Variants in CADPS observed in about 807,000 individuals in gnomAD.
CADPS encodes calcium-dependent secretion activator 1.
A neutral mutation model predicts 167.3 loss-of-function variants in CADPS; 57 were observed. The ratio of observed to expected loss-of-function variants is 0.34; its 90% confidence interval spans 0.28 to 0.42. CADPS has a LOEUF of 0.42. Among genes scored for constraint, CADPS ranks in the 20% least tolerant of loss-of-function variants. The pLI, the probability that CADPS is intolerant of heterozygous loss-of-function variation, is 1.00. For synonymous variants in CADPS, 676 were observed against 635.3 expected (o/e 1.06, Z -0.96); for missense variants, 1,414 against 1,738.1 (o/e 0.81, Z 3.32).
intron 17 of CADPS, among the ~76,000 whole-genome samples, chr3:62,502,117 C>T (rs1561332560): frequency 6.6e-6 from 1 of 152,196 alleles, no homozygotes; most frequent in Non-Finnish European, 1.5e-5. Flanking sequence ...GATCAAGCCA[C>T]ATTAGTGAGA....
At chr3:62,459,819 T>A (rs1438035197) in intron 26 of CADPS, among the ~76,000 whole-genome samples, 1 of 152,194 alleles carries the variant, frequency 6.6e-6, no homozygotes, top group African/African-American at 2.4e-5. Flanking sequence ...AGGTATAGAA[T>A]GAAGGACTAA....
chr3:62,440,300 A>G (rs1350648711), intron 27 of CADPS: 1 of 152,150 alleles, frequency 6.6e-6, no homozygotes, highest in Non-Finnish European at 1.5e-5. Context: ...GAATTTGTGA[A>G]TATCACTTAA....
intron 3 of CADPS, among the ~76,000 whole-genome samples, chr3:62,687,837 A>G (rs1019437614): frequency 2.6e-5 from 4 of 150,994 alleles, no homozygotes; most frequent in African/African-American, 7.3e-5. Context: ...TTTCAAATAT[A>G]TTAGACCACC....
chr3:62,653,094 C>T (rs933001550), intron 4 of CADPS, among the ~76,000 whole-genome samples: 3 of 152,202 alleles, frequency 2.0e-5, no homozygotes, highest in Non-Finnish European at 2.9e-5. Flanking sequence ...CAAAATTTCA[C>T]TTCCCTGGGT....
At chr3:62,522,872 C>T (rs761974093) in intron 13 of CADPS, among the ~76,000 whole-genome samples, 10 of 152,116 alleles carry the variant, frequency 6.6e-5, no homozygotes, top group Non-Finnish European at 1.3e-4. Flanking sequence ...TTTTTGGAGC[C>T]GTGCTGAAGC....
At chr3:62,474,095 G>A in intron 24 of CADPS, 78 bp downstream of exon 24, 1 of 1,028,550 alleles carries the variant, frequency 9.7e-7, no homozygotes, top group Non-Finnish European at 1.4e-6. Context: ...AGGGTAGATG[G>A]AAGGAATTTG....
In CADPS at chr3:62,701,332, A is replaced by T. The variant is rs189138044; in HGVS notation, c.889-38938T>A. Among the ~76,000 whole-genome samples the T allele has an allele frequency of 1.8e-3, 279 of 152,244 alleles. 6 individuals carry two copies. The highest frequency in any genetic ancestry group is 0.012 in the Admixed American group (177 of 15,296). ...TTGGGGCTGCAGGACTGAAGATCCC[A>T]ATACATGGGCTGAAAGCCACCCCAC... On this transcript the variant is annotated intron_variant, in intron 3 of 29. Coordinates refer to ENST00000383710, the MANE Select transcript of CADPS (RefSeq NM_003716.4).
At chr3:62,490,575 A>C (rs1359699872) in intron 21 of CADPS, among the ~76,000 whole-genome samples, 1 of 152,174 alleles carries the variant, frequency 6.6e-6, no homozygotes, top group African/African-American at 2.4e-5. Context: ...CAAACTTGCA[A>C]CCCACAAGAT....
intron 6 of CADPS, among the ~76,000 whole-genome samples, chr3:62,617,794 T>A (rs1304487581): frequency 1.3e-5 from 2 of 152,100 alleles, no homozygotes; most frequent in East Asian, 3.8e-4. Context: ...GGTAGAAACC[T>A]GTAGGTTGGG....
intron 3 of CADPS, among the ~76,000 whole-genome samples, chr3:62,677,813 G>A (rs1563731715): frequency 1.3e-5 from 2 of 152,050 alleles, no homozygotes; most frequent in African/African-American, 4.8e-5. Flanking sequence ...ATTTGAGGAA[G>A]AAAAGAGATA....
chr3:62,700,332 G>A (rs372473516), intron 3 of CADPS, among the ~76,000 whole-genome samples: 13 of 152,088 alleles, frequency 8.5e-5, no homozygotes, highest in African/African-American at 2.2e-4. Flanking sequence ...TTGTGACACT[G>A]AAAACTTGGT....
rs191573959 is a variant in CADPS, at chr3:62,839,918, A to G, written c.441+34671T>C. Among the ~76,000 whole-genome samples, 4 of 152,290 alleles carry G rather than the reference A, an allele frequency of 2.6e-5. No individual in the cohort carries two copies. In the East Asian group the frequency reaches 7.7e-4, roughly 29 times the overall value. ...GCTGAGATCTCTAGCTTGGATGACC[A>G]GATGCATGGTGATTTCACCATCTGG... On this transcript the variant is annotated intron_variant, in intron 1 of 29. Transcript: ENST00000383710.
intron 13 of CADPS, among the ~76,000 whole-genome samples, chr3:62,520,177 T>C (rs558247185): frequency 6.6e-6 from 1 of 152,350 alleles, no homozygotes; most frequent in Non-Finnish European, 1.5e-5. Flanking sequence ...AGGATATTTG[T>C]GGTCATTATT....
At chr3:62,705,536 A>G (rs1388170317) in intron 3 of CADPS, among the ~76,000 whole-genome samples, 1 of 152,130 alleles carries the variant, frequency 6.6e-6, no homozygotes, top group Non-Finnish European at 1.5e-5. Flanking sequence ...GCAGACCCAC[A>G]TGCAATCTGG....
At chr3:62,747,358 G>A (rs1052092551) in intron 3 of CADPS, among the ~76,000 whole-genome samples, 2 of 152,268 alleles carry the variant, frequency 1.3e-5, no homozygotes, top group African/African-American at 4.8e-5. Flanking sequence ...AGACCTACCG[G>A]AAACTTCTGG....
intron 6 of CADPS, chr3:62,626,417 C>A: frequency 1.5e-6 from 1 of 675,948 alleles, no homozygotes; most frequent in African/African-American, 1.8e-5. Flanking sequence ...CAGGGAAATA[C>A]ACAGACTATA....
intron 3 of CADPS, among the ~76,000 whole-genome samples, chr3:62,731,967 A>T (rs2077987313): frequency 6.6e-6 from 1 of 152,062 alleles, no homozygotes; most frequent in African/African-American, 2.4e-5. Flanking sequence ...AACATAACAG[A>T]TGAGAAGGAT....
intron 1 of CADPS, among the ~76,000 whole-genome samples, chr3:62,823,195 T>C (rs1576912902): frequency 1.3e-5 from 2 of 152,182 alleles, no homozygotes; most frequent in South Asian, 4.1e-4. Flanking sequence ...ACTCAGGTGG[T>C]AAGACTTAAA....
chr3:62,790,185 T>C (rs772089609), intron 1 of CADPS, among the ~76,000 whole-genome samples: 2 of 152,188 alleles, frequency 1.3e-5, no homozygotes, highest in Non-Finnish European at 2.9e-5. Context: ...ATAAAGAGTA[T>C]GCAACATATA....
Sources: allele counts gnomAD v4.1 joint callset (sites outside exome capture counted in the v4.1 genomes callset), GRCh38; gene constraint gnomAD v4.1.1; transcripts MANE v1.5; gene names NCBI Gene and HGNC (gene_info 2026-07-23, HGNC 2026-07-21).